NEK7: variants seen among roughly 807,000 people sequenced by gnomAD.
NEK7 encodes the protein serine/threonine-protein kinase Nek7.
Under a neutral mutation model 44.6 loss-of-function variants are expected in NEK7, and 18 were observed. The observed-to-expected ratio is 0.40, with a 90% CI of 0.28 to 0.60. NEK7 has a LOEUF of 0.60. Among genes scored for constraint, NEK7 ranks in the 20% least tolerant of loss-of-function variants. The probability of loss-of-function intolerance (pLI) is 0.38; values close to 1 mark genes in which losing one functional copy is unlikely to be tolerated. For synonymous variants in NEK7, 130 were observed against 121.1 expected (o/e 1.07, Z -0.48); for missense variants, 256 against 366.5 (o/e 0.70, Z 2.46).
chr1:198,190,325 A>T (rs1665037361), intron 1 of NEK7, among the ~76,000 whole-genome samples: 1 of 152,066 alleles, frequency 6.6e-6, no homozygotes, highest in Non-Finnish European at 1.5e-5. Flanking sequence ...CCGTCTTCTT[A>T]AATCTATACC....
chr1:198,276,299 T>A (rs1033172120), intron 5 of NEK7, among the ~76,000 whole-genome samples: 2 of 151,682 alleles, frequency 1.3e-5, no homozygotes, highest in Admixed American at 1.3e-4. Flanking sequence ...AGCATAAAAA[T>A]TTGTTTTCAT....
chr1:198,262,624 T>A lies in NEK7; in HGVS notation c.248T>A (p.Ile83Lys). 4.4e-6 allele frequency: 7 copies of A among 1,586,410 alleles called. No individual in the cohort carries two copies. Among genetic ancestry groups the A allele is most frequent in the Non-Finnish European group, 5.2e-6 (6 of 1,159,736 alleles). The change falls in exon 4 of 10, where the codon ATA becomes AAA. Residue 83 changes from isoleucine to lysine, a missense_variant. Physicochemically the swap from Ile to Lys is moderately radical, Grantham distance 102. Coordinates refer to ENST00000367385, the MANE Select transcript of NEK7 (RefSeq NM_133494.3). ...GCACGTGCTGATTGCATCAAAGAAA[T>A]AGATCTTCTTAAGGTAATTAATGAA... ...AKARADCIKE[I>K]DLLKQLNHPN... is the part of the protein sequence containing the mutation.
chr1:198,299,265 A>G (rs1490687080), intron 9 of NEK7, among the ~76,000 whole-genome samples: 1 of 152,220 alleles, frequency 6.6e-6, no homozygotes, highest in East Asian at 1.9e-4. Flanking sequence ...ACTTTAATCT[A>G]TTTAGTTATG....
intron 3 of NEK7, among the ~76,000 whole-genome samples, chr1:198,258,306 G>A (rs1274694606): frequency 1.3e-5 from 2 of 152,084 alleles, no homozygotes; most frequent in Non-Finnish European, 2.9e-5. Flanking sequence ...GGGTGTGGTG[G>A]CACACGCCTG....
At position 198,253,220 on chromosome 1, in the gene NEK7, A is replaced by G. The variant is rs375535198; in HGVS notation, c.198+40A>G. ...ATTATATAAATCAATGTAAAATTAT[A>G]CTATGTGAATTATAGATGAGAAAAG... is the stretch of plus-strand genomic sequence containing the variant. On this transcript the variant is annotated intron_variant, in intron 3 of 9. Transcript: ENST00000367385. 5.1e-6 allele frequency: 7 copies of G among 1,365,224 alleles called. No individual in the cohort carries two copies. The African/African-American group carries it at 8.8e-5, about 17-fold the overall frequency. The allele number at this position is 1,365,224 out of a possible 1,614,324, so 84.6% of individuals were successfully genotyped here.
chr1:198,278,828 G>T (rs1266090701), intron 6 of NEK7, 126 bp from the exon 7 acceptor site: 3 of 591,576 alleles, frequency 5.1e-6, no homozygotes, highest in African/African-American at 1.9e-5. Flanking sequence ...TAAACTAATT[G>T]GTTCATAAAT....
chr1:198,187,453 G>A (rs924267664), intron 1 of NEK7, among the ~76,000 whole-genome samples: 59 of 152,148 alleles, frequency 3.9e-4, no homozygotes, highest in Non-Finnish European at 8.8e-5. Context: ...TCTCAGCATT[G>A]ATGCAAACAG....
chr1:198,181,387 A>G (rs1479869562), intron 1 of NEK7, among the ~76,000 whole-genome samples: 2 of 152,112 alleles, frequency 1.3e-5, no homozygotes, highest in Non-Finnish European at 2.9e-5. Context: ...ATAGCATCCC[A>G]AAGTTCCTGT....
At chr1:198,183,274 C>T (rs1187627630) in intron 1 of NEK7, among the ~76,000 whole-genome samples, 8 of 134,984 alleles carry the variant, frequency 5.9e-5, no homozygotes, top group African/African-American at 1.7e-4. Flanking sequence ...CGGAATACTA[C>T]TACTTCCACT....
chr1:198,310,869 T>G (rs1358779708), intron 9 of NEK7, among the ~76,000 whole-genome samples: 2 of 151,642 alleles, frequency 1.3e-5, no homozygotes, highest in South Asian at 4.2e-4. Flanking sequence ...AGTCAGGTAG[T>G]GTGATGCCTC....
chr1:198,259,237 T>C (rs1653374819), intron 3 of NEK7, among the ~76,000 whole-genome samples: 1 of 152,190 alleles, frequency 6.6e-6, no homozygotes, highest in Admixed American at 6.5e-5. Context: ...TTGTATCTTG[T>C]TATGGTTTCC....
At chr1:198,261,276 A>G (rs1653462406) in intron 3 of NEK7, among the ~76,000 whole-genome samples, 1 of 152,010 alleles carries the variant, frequency 6.6e-6, no homozygotes, top group South Asian at 2.1e-4. Flanking sequence ...CATTGAGAAA[A>G]CACTGACTAT....
intron 9 of NEK7, among the ~76,000 whole-genome samples, chr1:198,299,590 A>G (rs1339250787): frequency 2.0e-5 from 3 of 152,204 alleles, no homozygotes; most frequent in Non-Finnish European, 4.4e-5. Flanking sequence ...AGCTACAATG[A>G]TAACAGAGTG....
intron 1 of NEK7, among the ~76,000 whole-genome samples, chr1:198,227,999 C>T (rs1265373302): frequency 2.6e-5 from 4 of 152,032 alleles, no homozygotes; most frequent in African/African-American, 7.2e-5. Flanking sequence ...TTTATGGTTT[C>T]AGGTCTAACA....
At chr1:198,231,301 GTATATATATATATA>G (rs749263549) in intron 1 of NEK7, among the ~76,000 whole-genome samples, 11 of 86,956 alleles carry the variant, frequency 1.3e-4, no homozygotes, top group Admixed American at 8.1e-4. Context: ...ATGTGTGTGT[GTATATATATATATA>G]TATATATATA....
intron 1 of NEK7, among the ~76,000 whole-genome samples, chr1:198,203,529 GTCTGTGCGGACATTGGTATCTAT>G (rs1366863541): frequency 6.6e-6 from 1 of 152,194 alleles, no homozygotes; most frequent in Non-Finnish European, 1.5e-5. Context: ...AGAGATTTCT[GTCTGTGCGGACATTGGTATCTAT>G]TCCAGAGAAG....
At chr1:198,178,958 G>A (rs1251187330) in intron 1 of NEK7, among the ~76,000 whole-genome samples, 2 of 150,898 alleles carry the variant, frequency 1.3e-5, no homozygotes, top group African/African-American at 4.9e-5. Context: ...GATAAGCTTA[G>A]TAGAATAGAA....
At position 198,160,949 on chromosome 1, in the gene NEK7, G is replaced by A. The variant is rs1664086058; in HGVS notation, c.-29+3673G>A. 2.0e-5 allele frequency among the ~76,000 whole-genome samples: 3 copies of A among 152,000 alleles called. No individual in the cohort carries two copies. In the South Asian group the frequency reaches 6.2e-4, roughly 32 times the overall value. On this transcript the variant is annotated intron_variant, in intron 1 of 9. Coordinates refer to ENST00000367385, the MANE Select transcript of NEK7 (RefSeq NM_133494.3). ...AGAGTATATTTCATGCTTTTCAGTG[G>A]GCAGTGGGAATGAGAAGGACAGATG... is the stretch of plus-strand genomic sequence containing the variant.
chr1:198,205,418 C>T (rs1363893786), intron 1 of NEK7, among the ~76,000 whole-genome samples: 1 of 152,146 alleles, frequency 6.6e-6, no homozygotes, highest in African/African-American at 2.4e-5. Flanking sequence ...CTACTTCAGA[C>T]TTACCTAATC....
Sources: allele counts gnomAD v4.1 joint callset (sites outside exome capture counted in the v4.1 genomes callset), GRCh38; gene constraint gnomAD v4.1.1; transcripts MANE v1.5; gene names NCBI Gene and HGNC (gene_info 2026-07-23, HGNC 2026-07-21).